DDX60: variants seen among roughly 807,000 people sequenced by gnomAD.
DDX60 encodes probable ATP-dependent RNA helicase DDX60.
In DDX60, 165 loss-of-function variants were observed where a neutral mutation model predicts 212.8. The ratio of observed to expected loss-of-function variants is 0.78; its 90% CI spans 0.68 to 0.88. DDX60 has a LOEUF of 0.88. DDX60 is among the 40% of genes least tolerant of loss of function. The pLI, the probability that DDX60 is intolerant of heterozygous loss-of-function variation, is 0.00. For synonymous variants in DDX60, 703 were observed against 685.3 expected (o/e 1.03, Z -0.40); for missense variants, 1,905 against 2,003.9 (o/e 0.95, Z 0.94).
intron 33 of DDX60, 110 bp from the exon 34 acceptor site, chr4:168,225,786 A>T (rs971417578): frequency 2.1e-6 from 2 of 932,740 alleles, no homozygotes; most frequent in African/African-American, 3.5e-5. Flanking sequence ...ATAGTTATCT[A>T]TTAATATTTA....
intron 4 of DDX60, 50 bp from the exon 5 acceptor site, chr4:168,306,770 C>A (rs1418442432): frequency 7.3e-7 from 1 of 1,377,610 alleles, no homozygotes. Context: ...ATCATTTAAT[C>A]ATTTAGTTGG....
chr4:168,247,370 A>G (rs1179621492), intron 29 of DDX60, among the ~76,000 whole-genome samples: 3 of 152,194 alleles, frequency 2.0e-5, no homozygotes, highest in Non-Finnish European at 1.5e-5. Flanking sequence ...AGAGTATGGC[A>G]GCAGCAATAG....
Position 168,297,877 on chromosome 4 carries a change from C to A in DDX60, c.724-3932G>T, listed in dbSNP as rs923417576. On this transcript the variant is annotated intron_variant, in intron 6 of 37. Transcript: ENST00000393743. ...CTGCACTCTAGCTTGGGCAATAGAA[C>A]AAGACTCTGTCTCAATGAAAAATAA... is the stretch of plus-strand genomic sequence containing the variant. Among the ~76,000 whole-genome samples, 3 of 151,502 alleles carry A rather than the reference C, an allele frequency of 2.0e-5. No homozygotes were observed. In the South Asian group the frequency reaches 6.3e-4, roughly 32 times the overall value.
chr4:168,245,340 G>A (rs1343977933), intron 30 of DDX60, among the ~76,000 whole-genome samples: 1 of 152,128 alleles, frequency 6.6e-6, no homozygotes, highest in African/African-American at 2.4e-5. Flanking sequence ...GAAGGCAACG[G>A]AAACAATCTT....
intron 6 of DDX60, among the ~76,000 whole-genome samples, chr4:168,296,874 C>CT (rs35177897): frequency 0.4 from 53,268 of 134,708 alleles, 11,447 homozygotes; most frequent in African/African-American, 0.56. Context: ...AAAAAGTGAT[C>CT]TTTTTTTTTT....
At chr4:168,242,798 G>A (rs1327783919) in intron 30 of DDX60, among the ~76,000 whole-genome samples, 2 of 152,072 alleles carry the variant, frequency 1.3e-5, no homozygotes, top group Admixed American at 6.5e-5. Context: ...GGCATGATTG[G>A]TTTTGAAATG....
chr4:168,267,919 A>T lies in DDX60; in HGVS notation c.2851T>A (p.Ser951Thr). ...GCCTGACGACCCACATGTCTTTTAG[A>T]AGCGGTATTATTTTCAATTATTTTG... ...EDKIIENNTA[S>T]KRHVGRQAGF... Residue 951 changes from serine to threonine, a missense_variant, in exon 21 of 38, where the codon TCT becomes ACT. Ser to Thr is a moderately conservative substitution (Grantham distance 58). Transcript: ENST00000393743. 5 of 1,613,316 alleles carry T rather than the reference A, an allele frequency of 3.1e-6. No homozygotes were observed. The highest frequency in any genetic ancestry group is 4.2e-6 in the Non-Finnish European group (5 of 1,179,482).
In DDX60 at chr4:168,318,671, G is replaced by C. The variant is rs1456617468; in HGVS notation, c.-156C>G. Reference sequence around the variant, plus strand: ...CAAAGACCCGCGAGCTGCGCGCCCCGCGGGGAGGGAGTGAAACAGAGACCT... The same window carrying C: ...CAAAGACCCGCGAGCTGCGCGCCCCCCGGGGAGGGAGTGAAACAGAGACCT... On this transcript the variant is annotated 5_prime_UTR_variant, in exon 1 of 38. Transcript: ENST00000393743. 6.6e-6 allele frequency: 1 copy of C among 152,410 alleles called. No homozygotes were observed. The highest frequency in any genetic ancestry group is 1.5e-5 in the Non-Finnish European group (1 of 68,166). The allele number at this position is 152,410 out of a possible 1,614,324, so 9.4% of individuals were successfully genotyped here. A position where few individuals can be genotyped will look rare whatever the true frequency, so the allele number is the denominator to read the frequency against.
intron 7 of DDX60, among the ~76,000 whole-genome samples, chr4:168,292,475 A>G (rs1021043466): frequency 5.9e-5 from 9 of 152,196 alleles, no homozygotes; most frequent in Admixed American, 5.2e-4. Context: ...TTAAAATAAA[A>G]CATTTTTCAG....
chr4:168,271,646 T>C (rs1210569964), intron 19 of DDX60, among the ~76,000 whole-genome samples: 2 of 152,232 alleles, frequency 1.3e-5, no homozygotes, highest in Non-Finnish European at 2.9e-5. Flanking sequence ...GTCATTTAAT[T>C]ATCTGTTGGG....
chr4:168,224,714 T>A (rs1303205213), intron 34 of DDX60, among the ~76,000 whole-genome samples: 1 of 152,098 alleles, frequency 6.6e-6, no homozygotes, highest in Non-Finnish European at 1.5e-5. Flanking sequence ...TTTTTCTTAC[T>A]GAACTCAGAA....
chr4:168,266,652 G>C (rs1041587452), intron 22 of DDX60, among the ~76,000 whole-genome samples: 2 of 152,178 alleles, frequency 1.3e-5, no homozygotes, highest in Admixed American at 6.5e-5. Context: ...GGGCTGCCAG[G>C]TAAGATATCC....
At chr4:168,251,686 C>T (rs1352317458) in intron 27 of DDX60, among the ~76,000 whole-genome samples, 1 of 152,128 alleles carries the variant, frequency 6.6e-6, no homozygotes, top group Non-Finnish European at 1.5e-5. Flanking sequence ...TATTCACTCA[C>T]ACAACAGAAT....
At position 168,216,882 on chromosome 4, in the gene DDX60, C is replaced by G. The variant is rs752267884; in HGVS notation, c.*51G>C. The G allele has an allele frequency of 8.4e-7, 1 of 1,194,798 alleles. No individual in the cohort carries two copies. The highest frequency in any genetic ancestry group is 1.2e-6 in the Non-Finnish European group (1 of 842,926). The allele number at this position is 1,194,798 out of a possible 1,614,324, so 74.0% of individuals were successfully genotyped here. On this transcript the variant is annotated 3_prime_UTR_variant, in exon 38 of 38. Coordinates refer to ENST00000393743, the MANE Select transcript of DDX60 (RefSeq NM_017631.6). ...GAAGCATAAGAATCAAAAACGTGAC[C>G]TGAAAAACTACTATGGAATTATTTT...
intron 33 of DDX60, among the ~76,000 whole-genome samples, chr4:168,228,398 C>G (rs1733332208): frequency 6.6e-6 from 1 of 151,878 alleles, no homozygotes; most frequent in Admixed American, 6.6e-5. Context: ...ATTGATATAG[C>G]TATTTTCTAC....
At chr4:168,319,920 G>C (rs996300622), upstream of DDX60, among the ~76,000 whole-genome samples, 2 of 152,150 alleles carry the variant, frequency 1.3e-5, no homozygotes, top group Non-Finnish European at 2.9e-5. Flanking sequence ...GTTAAAAGAG[G>C]GGGATATGGG....
chr4:168,223,516 CTT>C (rs1489639243), intron 35 of DDX60, among the ~76,000 whole-genome samples: 1 of 151,912 alleles, frequency 6.6e-6, no homozygotes, highest in Non-Finnish European at 1.5e-5. Flanking sequence ...TATGAAAACA[CTT>C]TCTTGTTGAT....
In DDX60 at chr4:168,224,356, G is replaced by C; in HGVS notation, c.4711C>G (p.Gln1571Glu). ...CAGCTCATCAAATGAGATACGAGTT[G>C]AGAGTCTTCACATTCTTTACCTGTG... ...KFTGKECEDS[Q>E]LVSHLMSCKE... The change falls in exon 35 of 38, where the codon CAA becomes GAA. Residue 1571 changes from glutamine to glutamate, a missense_variant. By Grantham distance (29) the Gln-to-Glu change is conservative (BLOSUM62 2). Coordinates refer to ENST00000393743, the MANE Select transcript of DDX60 (RefSeq NM_017631.6). 1 of 1,611,838 alleles carries C rather than the reference G, an allele frequency of 6.2e-7. No homozygotes were observed. Among genetic ancestry groups the C allele is most frequent in the Non-Finnish European group, 8.5e-7 (1 of 1,178,506 alleles).
intron 18 of DDX60, among the ~76,000 whole-genome samples, chr4:168,272,700 G>T (rs1386389953): frequency 6.6e-6 from 1 of 152,168 alleles, no homozygotes; most frequent in African/African-American, 2.4e-5. Context: ...AGAACTGGGG[G>T]AGCTGATGGC....
Sources: allele counts gnomAD v4.1 joint callset (sites outside exome capture counted in the v4.1 genomes callset), GRCh38; gene constraint gnomAD v4.1.1; transcripts MANE v1.5; gene names NCBI Gene and HGNC (gene_info 2026-07-23, HGNC 2026-07-21).